Variants in SLC6A19 observed in about 807,000 individuals in gnomAD.
The protein encoded by SLC6A19 is sodium-dependent neutral amino acid transporter B(0)AT1.
In SLC6A19, 67 loss-of-function variants were observed where a neutral mutation model predicts 68.3. That is an observed-to-expected ratio of 0.98 (90% CI 0.81 to 1.20). The LOEUF is 1.20. Among genes scored for constraint, SLC6A19 ranks in the 50% most tolerant of loss-of-function variants. The pLI is 0.00. For missense variants in SLC6A19, 813 were observed against 851.6 expected (o/e 0.95, Z 0.56); for synonymous variants, 392 against 374.9 (o/e 1.05, Z -0.53).
chr5:1,205,961 C>G (rs1361667092), intron 1 of SLC6A19, among the ~76,000 whole-genome samples: 1 of 152,178 alleles, frequency 6.6e-6, no homozygotes, highest in Non-Finnish European at 1.5e-5. Context: ...CGCCAGCCCA[C>G]CCTACACACC....
chr5:1,216,440 G>A (rs1027228580), intron 6 of SLC6A19, 118 bp from the exon 7 acceptor site: 1 of 1,471,350 alleles, frequency 6.8e-7, no homozygotes, highest in Non-Finnish European at 9.4e-7. Context: ...GTGTCACTCA[G>A]TGGCTCAGCC....
intron 4 of SLC6A19, 25 bp from the exon 5 acceptor site, chr5:1,213,438 A>G: frequency 3.7e-6 from 3 of 817,634 alleles, no homozygotes; most frequent in East Asian, 8.3e-5. Flanking sequence ...CTTCCCGCCC[A>G]TCCCACATGT....
intron 3 of SLC6A19, among the ~76,000 whole-genome samples, chr5:1,211,114 G>A (rs551742869): frequency 1.1e-3 from 160 of 152,334 alleles, no homozygotes; most frequent in African/African-American, 3.1e-3. Context: ...GAACGGCTTG[G>A]TCACCACCGG....
At position 1,221,688 on chromosome 5, in the gene SLC6A19, G is replaced by T. The variant is rs1335841461; in HGVS notation, c.1702-13G>T. 1 of 1,613,650 alleles carries T rather than the reference G, an allele frequency of 6.2e-7. No homozygotes were observed. Among genetic ancestry groups the T allele is most frequent in the Non-Finnish European group, 8.5e-7 (1 of 1,179,856 alleles). ...CCCGGGATGCCTACTCACCCATGGG[G>T]CTCTCTCCCCAGGAGGAATTTCCCA... On this transcript the variant is annotated splice_polypyrimidine_tract_variant and intron_variant, in intron 11 of 11. Transcript: ENST00000304460.
chr5:1,206,173 G>A (rs35506053), intron 1 of SLC6A19, among the ~76,000 whole-genome samples: 4,345 of 152,338 alleles, frequency 0.029, 120 homozygotes, highest in Non-Finnish European at 0.041. Context: ...AGCAGTGAGA[G>A]AGGCTGGCAG....
rs1365781533 is a variant in SLC6A19, at chr5:1,212,872, TA to T, written c.663+389del. Among the ~76,000 whole-genome samples the T allele has an allele frequency of 6.6e-6, 1 of 152,060 alleles. No individual in the cohort carries two copies. The highest frequency in any genetic ancestry group is 1.5e-5 in the Non-Finnish European group (1 of 67,976). ...TCTTCCCCTACATGGGAATCTTTGG[TA>T]CGAGGTCCAGAGCGGCCATCCCTTT... On this transcript the variant is annotated intron_variant, in intron 4 of 11. Coordinates refer to ENST00000304460, the MANE Select transcript of SLC6A19 (RefSeq NM_001003841.3). This position sits in a 1 kb window ranked among gnomAD's most constrained non-coding sequence, Gnocchi z 5.1.
chr5:1,219,500 T>C lies in SLC6A19; in HGVS notation c.1379-5T>C. 1.2e-6 allele frequency: 2 copies of C among 1,610,734 alleles called. No individual in the cohort carries two copies. Among genetic ancestry groups the C allele is most frequent in the Non-Finnish European group, 1.7e-6 (2 of 1,179,984 alleles). On this transcript the variant is annotated splice_region_variant and splice_polypyrimidine_tract_variant and intron_variant, in intron 9 of 11. Transcript: ENST00000304460. ...GTGTGAGCAGCTCTGTCCCCCGGCC[T>C]GCAGGCCTCATCTGCCTGGGGACAT...
Position 1,219,201 on chromosome 5 carries a change from C to T in SLC6A19, c.1378+94C>T, listed in dbSNP as rs6554668. On this transcript the variant is annotated intron_variant, in intron 9 of 11. Transcript: ENST00000304460. ...GTGAACAGCTCTGTCCCCGGCCGTG[C>T]GTGCAGCCCCCGGGCGTGTGAACAG... 795,291 of 1,001,780 alleles carry T rather than the reference C, an allele frequency of 0.79. 370,744 individuals carry two copies. The highest frequency in any genetic ancestry group is 0.89 in the African/African-American group (53,343 of 59,782). 62.1% of individuals were successfully genotyped at this position (1,001,780 alleles called of 1,614,324 possible).
At chr5:1,220,387 G>A (rs796765899) in intron 10 of SLC6A19, among the ~76,000 whole-genome samples, 1 of 145,442 alleles carries the variant, frequency 6.9e-6, no homozygotes, top group South Asian at 2.2e-4. Flanking sequence ...TCCAGCCTGG[G>A]TGACAAAATG....
intron 1 of SLC6A19, among the ~76,000 whole-genome samples, chr5:1,203,673 T>C (rs931333594): frequency 2.0e-5 from 3 of 152,230 alleles, no homozygotes; most frequent in Admixed American, 6.5e-5. Flanking sequence ...GTTCTGGCAG[T>C]CGCCCCGGCC....
In SLC6A19 at chr5:1,208,877, A is replaced by G; in HGVS notation, c.334A>G (p.Lys112Glu). 6.2e-7 allele frequency: 1 copy of G among 1,612,062 alleles called. No individual in the cohort carries two copies. The highest frequency in any genetic ancestry group is 8.5e-7 in the Non-Finnish European group (1 of 1,179,764). ...GTGGAGCTCCATCCACCCGGCCCTGAAGGGCCTAGGTGAGTGCCTCGGAGC... is the reference window on the plus strand; with the variant it reads ...GTGGAGCTCCATCCACCCGGCCCTGGAGGGCCTAGGTGAGTGCCTCGGAGC... ...GVWSSIHPAL[K>E]GLGLASMLTS... Residue 112 changes from lysine (K) to glutamate (E), a missense_variant, in exon 2 of 12, where the codon AAG (lysine) becomes GAG (glutamate). Physicochemically the swap from Lys to Glu is moderately conservative, Grantham distance 56 (BLOSUM62 1). Coordinates refer to ENST00000304460, the MANE Select transcript of SLC6A19 (RefSeq NM_001003841.3).
intron 1 of SLC6A19, among the ~76,000 whole-genome samples, chr5:1,205,194 C>G (rs1419933144): frequency 1.3e-5 from 2 of 152,214 alleles, no homozygotes; most frequent in Non-Finnish European, 2.9e-5. Context: ...CCAGGCAGAG[C>G]CACGCAGTGT....
rs200284621 is a variant in SLC6A19, at chr5:1,213,988, C to T, written c.810C>T (p.Asp270=). 189 of 1,613,542 alleles carry T rather than the reference C, an allele frequency of 1.2e-4. No individual in the cohort carries two copies. The highest frequency in any genetic ancestry group is 6.6e-4 in the Middle Eastern group (4 of 6,062). ...TELAQPDTWL[D]AGAQVFFSFS... ...TGGCCCAGCCGGACACCTGGCTGGACGCGGGCGCACAGGTCTTCTTCTCCT... is the reference window on the plus strand; with the variant it reads ...TGGCCCAGCCGGACACCTGGCTGGATGCGGGCGCACAGGTCTTCTTCTCCT... The change falls in exon 6 of 12, where the codon GAC becomes GAT. Residue 270 remains aspartate, a synonymous_variant. Coordinates refer to ENST00000304460, the MANE Select transcript of SLC6A19 (RefSeq NM_001003841.3).
rs763994907 is a variant in SLC6A19, at chr5:1,216,706, T to C, written c.1016+20T>C. 5 of 1,613,586 alleles carry C rather than the reference T, an allele frequency of 3.1e-6. No individual in the cohort carries two copies. In the Admixed American group the frequency reaches 8.3e-5, roughly 27 times the overall value. On this transcript the variant is annotated intron_variant, in intron 7 of 11. Coordinates refer to ENST00000304460, the MANE Select transcript of SLC6A19 (RefSeq NM_001003841.3). The stretch of plus-strand genomic sequence containing the variant: ...CAGCACGTGAGTGGCTGTCCCACCA[T>C]CCTGGTGCCTTGGGCTGCGCCTCCA...
At chr5:1,202,930 G>A (rs1372014241) in intron 1 of SLC6A19, among the ~76,000 whole-genome samples, 1 of 152,160 alleles carries the variant, frequency 6.6e-6, no homozygotes, top group East Asian at 1.9e-4. Flanking sequence ...ACTTTCCACT[G>A]GAGGCAGGTC....
At position 1,211,054 on chromosome 5, in the gene SLC6A19, C is replaced by T. The variant is rs746478937; in HGVS notation, c.481+473C>T. Among the ~76,000 whole-genome samples, 28 of 152,302 alleles carry T rather than the reference C, an allele frequency of 1.8e-4. No individual in the cohort carries two copies. In the Middle Eastern group the frequency reaches 0.014, roughly 74 times the overall value. On this transcript the variant is annotated intron_variant, in intron 3 of 11. Coordinates refer to ENST00000304460, the MANE Select transcript of SLC6A19 (RefSeq NM_001003841.3). ...GGGAGCGTAGGGGGCAGACCCTCTA[C>T]GTGTGACATGCAATCAGCTCACGGC...
chr5:1,202,355 G>T (rs1745731785), intron 1 of SLC6A19, among the ~76,000 whole-genome samples: 1 of 152,184 alleles, frequency 6.6e-6, no homozygotes. Flanking sequence ...CTTGAGCCAG[G>T]TGCCCTCAGG....
intron 4 of SLC6A19, 23 bp from the exon 5 acceptor site, chr5:1,213,440 C>A (rs751246630): frequency 3.6e-6 from 5 of 1,380,744 alleles, no homozygotes; most frequent in South Asian, 1.2e-5. Flanking sequence ...TCCCGCCCAT[C>A]CCACATGTCC....
rs529802932 is a variant in SLC6A19, at chr5:1,212,633, T to C, written c.663+149T>C. The stretch of plus-strand genomic sequence containing the variant: ...CCACCAAGAGAGCTGCCTTTGCCCT[T>C]AGGCTCACTGGCCTGGGCGGGAGGG... On this transcript the variant is annotated intron_variant, in intron 4 of 11. Transcript: ENST00000304460. This position sits in a 1 kb window ranked among gnomAD's most constrained non-coding sequence, Gnocchi z 5.1. 2.3e-4 allele frequency: 241 copies of C among 1,052,044 alleles called. No homozygotes were observed. In the African/African-American group the frequency reaches 3.4e-3, roughly 15 times the overall value. The allele number at this position is 1,052,044 out of a possible 1,614,324, so 65.2% of individuals were successfully genotyped here. A position where few individuals can be genotyped will look rare whatever the true frequency, so the allele number is the denominator to read the frequency against.
Sources: gnomAD v4.1 joint callset for allele counts (sites outside exome capture counted in the v4.1 genomes callset) on GRCh38, gnomAD v4.1.1 for gene constraint, Gnocchi (gnomAD v3.1) non-coding constraint, MANE v1.5 for transcripts, NCBI Gene and HGNC (gene_info 2026-07-23, HGNC 2026-07-21) for gene names.